MTRF1: variants seen among roughly 807,000 people sequenced by gnomAD.
MTRF1 encodes the protein peptide chain release factor 1, mitochondrial.
Under a neutral mutation model 62.9 loss-of-function variants are expected in MTRF1, and 51 were observed. The observed-to-expected ratio is 0.81, with a 90% CI of 0.65 to 1.02. MTRF1 has a LOEUF of 1.02. MTRF1 is among the 50% of genes least tolerant of loss of function. MTRF1 has a pLI of 0.00. For synonymous variants in MTRF1, 158 were observed against 181.9 expected (o/e 0.87, Z 1.06); for missense variants, 446 against 530.0 (o/e 0.84, Z 1.56).
chr13:41,230,114 AAAAG>A (rs1295657709), intron 7 of MTRF1, among the ~76,000 whole-genome samples: 1 of 152,066 alleles, frequency 6.6e-6, no homozygotes, highest in African/African-American at 2.4e-5. Context: ...AGAAAAAAAA[AAAAG>A]TATAACTTCA....
chr13:41,284,895 C>A, the MTRF1 span, among the ~76,000 whole-genome samples: 3 of 152,206 alleles, frequency 2.0e-5, no homozygotes, highest in East Asian at 5.8e-4. Context: ...CTCGGGTGAC[C>A]AACCAACTTT....
At chr13:41,267,860 G>A (rs992984651), upstream of MTRF1, among the ~76,000 whole-genome samples, 1 of 72,770 alleles carries the variant, frequency 1.4e-5, no homozygotes, top group Non-Finnish European at 3.0e-5. Context: ...GTGAGAAACT[G>A]TTGAAAAAAA....
the MTRF1 span, among the ~76,000 whole-genome samples, chr13:41,308,748 G>A: frequency 6.6e-6 from 1 of 152,094 alleles, no homozygotes; most frequent in Non-Finnish European, 1.5e-5. Flanking sequence ...TAGACTCAAG[G>A]GGTAAATGTT....
chr13:41,246,766 C>T (rs3794328), intron 5 of MTRF1, among the ~76,000 whole-genome samples: 96,829 of 152,020 alleles, frequency 0.64, 31,095 homozygotes, highest in Admixed American at 0.66. Flanking sequence ...CACTGTACTT[C>T]AAAATTACCC....
At chr13:41,256,184 A>T (rs1395884804) in intron 2 of MTRF1, among the ~76,000 whole-genome samples, 2 of 152,198 alleles carry the variant, frequency 1.3e-5, no homozygotes, top group Non-Finnish European at 2.9e-5. Context: ...ACACATACAC[A>T]TGATTACAAT....
upstream of MTRF1, among the ~76,000 whole-genome samples, chr13:41,264,105 C>T (rs182309295): frequency 2.0e-5 from 3 of 152,294 alleles, no homozygotes; most frequent in East Asian, 5.8e-4. Flanking sequence ...AAAATAAAGA[C>T]TCCTTTTACA....
chr13:41,268,213 A>G (rs1456818328), upstream of MTRF1, among the ~76,000 whole-genome samples: 3 of 152,348 alleles, frequency 2.0e-5, no homozygotes, highest in East Asian at 3.9e-4. Flanking sequence ...GCAGATAGTA[A>G]TGGTATGGGA....
At chr13:41,308,020 C>T in the MTRF1 span, among the ~76,000 whole-genome samples, 2 of 152,070 alleles carry the variant, frequency 1.3e-5, no homozygotes, top group Non-Finnish European at 2.9e-5. Flanking sequence ...GATGCTGGCA[C>T]GGAACTGTGT....
upstream of MTRF1, among the ~76,000 whole-genome samples, chr13:41,264,475 C>T (rs1281923750): frequency 6.6e-6 from 1 of 152,202 alleles, no homozygotes; most frequent in African/African-American, 2.4e-5. Flanking sequence ...ATCTCCATGC[C>T]TCAATTTTTC....
chr13:41,286,088 C>CAA, the MTRF1 span, among the ~76,000 whole-genome samples: 720 of 110,036 alleles, frequency 6.5e-3, 15 homozygotes, highest in South Asian at 0.016. Flanking sequence ...ACAACAACAA[C>CAA]AAAAAAAAAA....
the MTRF1 span, among the ~76,000 whole-genome samples, chr13:41,273,332 A>C: frequency 3.3e-5 from 5 of 151,608 alleles, no homozygotes; most frequent in Admixed American, 2.0e-4. Context: ...TCTCAAAAAA[A>C]AAAAAAAAAG....
the MTRF1 span, among the ~76,000 whole-genome samples, chr13:41,269,351 C>A: frequency 6.6e-6 from 1 of 151,636 alleles, no homozygotes; most frequent in African/African-American, 2.4e-5. Flanking sequence ...AGGTGTGCGC[C>A]ACCACACCCA....
intron 9 of MTRF1, among the ~76,000 whole-genome samples, chr13:41,222,588 G>A (rs1374548295): frequency 1.3e-5 from 2 of 152,214 alleles, no homozygotes; most frequent in African/African-American, 2.4e-5. Context: ...CCTTAAAAAG[G>A]CCCGAGTCAT....
chr13:41,307,283 T>C, the MTRF1 span, among the ~76,000 whole-genome samples: 8 of 152,118 alleles, frequency 5.3e-5, no homozygotes, highest in African/African-American at 1.9e-4. Flanking sequence ...GATTTTCCCC[T>C]TGCTGTTCTC....
chr13:41,242,127 G>A (rs4942029), intron 5 of MTRF1, among the ~76,000 whole-genome samples: 100,786 of 147,088 alleles, frequency 0.69, 33,758 homozygotes, highest in African/African-American at 0.71. Flanking sequence ...AGATACCAAC[G>A]TTTTTTTTTT....
the MTRF1 span, among the ~76,000 whole-genome samples, chr13:41,279,382 C>G: frequency 4.0e-3 from 603 of 152,348 alleles, 8 homozygotes; most frequent in African/African-American, 0.014. Flanking sequence ...CCTTGGCCCC[C>G]ACAGCCTCTT....
At chr13:41,275,556 G>C in the MTRF1 span, among the ~76,000 whole-genome samples, 1 of 151,388 alleles carries the variant, frequency 6.6e-6, no homozygotes, top group Admixed American at 6.6e-5. Flanking sequence ...GCAGCAGCGT[G>C]ATCTTGGCTC....
intron 5 of MTRF1, among the ~76,000 whole-genome samples, chr13:41,251,852 A>C (rs2039098189): frequency 1.3e-5 from 2 of 152,152 alleles, no homozygotes; most frequent in African/African-American, 4.8e-5. Flanking sequence ...GAGTATTTAA[A>C]GGTAAAGAAC....
At chr13:41,295,064 A>G in the MTRF1 span, among the ~76,000 whole-genome samples, 2 of 152,178 alleles carry the variant, frequency 1.3e-5, no homozygotes, top group Non-Finnish European at 2.9e-5. Context: ...TGTGATTTGC[A>G]GGTCACATGT....
Sources: allele counts gnomAD v4.1 joint callset (sites outside exome capture counted in the v4.1 genomes callset), GRCh38; gene constraint gnomAD v4.1.1; transcripts MANE v1.5; gene names NCBI Gene and HGNC (gene_info 2026-07-23, HGNC 2026-07-21).